ABHD12: variants seen among roughly 807,000 people sequenced by gnomAD.
The protein encoded by ABHD12 is abhydrolase domain containing 12, lysophospholipase, also known as lysophosphatidylserine lipase ABHD12.
ABHD12 carries 43 observed loss-of-function variants against 58.3 expected under a neutral mutation model. That is an observed-to-expected ratio of 0.74 (90% CI 0.58 to 0.95). The LOEUF (loss-of-function observed/expected upper bound fraction) is 0.95, where lower values mean the gene tolerates loss of function less well. ABHD12 is among the 40% of genes least tolerant of loss of function. The probability of loss-of-function intolerance (pLI) is 0.00; values close to 1 mark genes in which losing one functional copy is unlikely to be tolerated. For missense variants in ABHD12, 539 were observed against 537.2 expected, an observed-to-expected ratio of 1.00 and a Z score of -0.03; for synonymous variants, 219 against 211.2, an observed-to-expected ratio of 1.04 and a Z score of -0.32.
intron 5 of ABHD12, among the ~76,000 whole-genome samples, chr20:25,315,330 T>C (rs1222513071): frequency 1.3e-5 from 2 of 152,092 alleles, no homozygotes; most frequent in African/African-American, 2.4e-5. Flanking sequence ...AGTGTGATGG[T>C]AGACCCCCAG....
chr20:25,383,938 G>A (rs1388715040), intron 1 of ABHD12, among the ~76,000 whole-genome samples: 15 of 132,454 alleles, frequency 1.1e-4, no homozygotes, highest in Non-Finnish European at 6.2e-5. Context: ...CTGGGCAACA[G>A]AGGGAGACTC....
intron 3 of ABHD12, among the ~76,000 whole-genome samples, chr20:25,323,093 A>G (rs529874639): frequency 6.6e-6 from 1 of 152,336 alleles, no homozygotes; most frequent in Non-Finnish European, 1.5e-5. Context: ...TAAAAATAAT[A>G]ATCTGTTCAC....
chr20:25,299,239 A>C (rs1009645892), downstream of ABHD12, among the ~76,000 whole-genome samples: 3 of 152,172 alleles, frequency 2.0e-5, no homozygotes, highest in Non-Finnish European at 4.4e-5. Context: ...TTTACAAAAC[A>C]TACAAGAATT....
At chr20:25,329,906 G>A (rs993717492) in intron 2 of ABHD12, among the ~76,000 whole-genome samples, 9 of 152,232 alleles carry the variant, frequency 5.9e-5, no homozygotes, top group African/African-American at 2.2e-4. Context: ...GGAAAAAGAG[G>A]AAGCTGGCCC....
At chr20:25,373,214 T>A (rs1168638413) in intron 1 of ABHD12, among the ~76,000 whole-genome samples, 4 of 152,186 alleles carry the variant, frequency 2.6e-5, no homozygotes, top group Admixed American at 1.3e-4. Context: ...GACATTACTA[T>A]ATTGAGTGAC....
chr20:25,314,941 G>A lies in ABHD12; in HGVS notation c.603C>T (p.Val201=). The change falls in exon 6 of 13, where the codon GTC becomes GTT. Residue 201 remains valine, a synonymous_variant. Coordinates refer to ENST00000339157, the MANE Select transcript of ABHD12 (RefSeq NM_001042472.3). ...AAATCTCACCTCTGTAGTCAAAGGTGACCACATGGTAACCAAGGGAACTCA... is the reference window on the plus strand; with the variant it reads ...AAATCTCACCTCTGTAGTCAAAGGTAACCACATGGTAACCAAGGGAACTCA... ...KVLSSLGYHV[V]TFDYRGWGDS... 3 of 1,614,198 alleles carry A rather than the reference G, an allele frequency of 1.9e-6. No homozygotes were observed. The highest frequency in any genetic ancestry group is 2.5e-6 in the Non-Finnish European group (3 of 1,180,028).
At chr20:25,378,561 A>G (rs949675712) in intron 1 of ABHD12, among the ~76,000 whole-genome samples, 2 of 152,164 alleles carry the variant, frequency 1.3e-5, no homozygotes, top group African/African-American at 4.8e-5. Flanking sequence ...TATTCTAGTG[A>G]TCTGAACTAC....
intron 1 of ABHD12, among the ~76,000 whole-genome samples, chr20:25,378,622 G>T (rs550798372): frequency 6.6e-6 from 1 of 151,616 alleles, no homozygotes; most frequent in African/African-American, 2.4e-5. Flanking sequence ...TTCCCATTAC[G>T]AACAGTTCAG....
intron 6 of ABHD12, among the ~76,000 whole-genome samples, chr20:25,313,670 T>C (rs1298053644): frequency 6.6e-5 from 10 of 151,904 alleles, no homozygotes; most frequent in Non-Finnish European, 1.5e-4. Context: ...TGGTCCCAGC[T>C]ACTAGGGAGG....
intron 1 of ABHD12, among the ~76,000 whole-genome samples, chr20:25,358,181 C>T (rs998976285): frequency 2.6e-5 from 4 of 152,088 alleles, no homozygotes; most frequent in African/African-American, 4.8e-5. Flanking sequence ...TCTCAAATTA[C>T]GCTAAATAAT....
chr20:25,353,734 T>G (rs909753078), intron 1 of ABHD12, among the ~76,000 whole-genome samples: 1 of 152,186 alleles, frequency 6.6e-6, no homozygotes, highest in African/African-American at 2.4e-5. Context: ...AAATTAAAAT[T>G]TGTCTTGGGC....
rs56063344 is a variant in ABHD12, at chr20:25,311,021, G to C, written c.620-1446C>G. Among the ~76,000 whole-genome samples the C allele has an allele frequency of 8.9e-3, 1,348 of 152,308 alleles. 16 individuals carry two copies. Among genetic ancestry groups the C allele is most frequent in the African/African-American group, 0.03 (1,266 of 41,558 alleles). On this transcript the variant is annotated intron_variant, in intron 6 of 12. Coordinates refer to ENST00000339157, the MANE Select transcript of ABHD12 (RefSeq NM_001042472.3). Reference sequence around the variant, plus strand: ...ACCAGTGTCAACATGGAGAGAAGGAGAGGGCAAACCACTTCCTTGCTCCTC... The same window carrying C: ...ACCAGTGTCAACATGGAGAGAAGGACAGGGCAAACCACTTCCTTGCTCCTC...
chr20:25,379,546 T>C (rs75958976), intron 1 of ABHD12, among the ~76,000 whole-genome samples: 193 of 152,204 alleles, frequency 1.3e-3, no homozygotes, highest in African/African-American at 4.1e-3. Flanking sequence ...CTGGGTCCCA[T>C]CCCTTCTCAC....
At chr20:25,356,178 G>C (rs913602204) in intron 1 of ABHD12, among the ~76,000 whole-genome samples, 8 of 152,238 alleles carry the variant, frequency 5.3e-5, no homozygotes, top group African/African-American at 1.9e-4. Context: ...CTGTAAAACT[G>C]CAAGGGAAAA....
At chr20:25,320,629 G>T (rs1568726202) in intron 3 of ABHD12, among the ~76,000 whole-genome samples, 1 of 152,372 alleles carries the variant, frequency 6.6e-6, no homozygotes, top group East Asian at 1.9e-4. Context: ...GCCTGGCAGA[G>T]AAGCAGCACT....
chr20:25,379,935 C>G (rs2090002982), intron 1 of ABHD12, among the ~76,000 whole-genome samples: 1 of 151,690 alleles, frequency 6.6e-6, no homozygotes, highest in African/African-American at 2.4e-5. Flanking sequence ...AGTGATCCTC[C>G]TTCTTTATCC....
At position 25,308,513 on chromosome 20, in the gene ABHD12, A is replaced by T. The variant is rs1252832908; in HGVS notation, c.750-19T>A. The T allele has an allele frequency of 2.5e-6, 4 of 1,603,472 alleles. No homozygotes were observed. Among genetic ancestry groups the T allele is most frequent in the Non-Finnish European group, 3.4e-6 (4 of 1,174,420 alleles). On this transcript the variant is annotated intron_variant, in intron 7 of 12. Coordinates refer to ENST00000339157, the MANE Select transcript of ABHD12 (RefSeq NM_001042472.3). ...CGCCACGCTAGGAAAAAAGAAAAAC[A>T]GCTTAGTTGAGTTATGATAAAATTG...
intron 4 of ABHD12, among the ~76,000 whole-genome samples, chr20:25,317,680 G>A (rs546995662): frequency 2.6e-5 from 4 of 152,348 alleles, no homozygotes; most frequent in African/African-American, 9.6e-5. Context: ...GTGCCGGAAC[G>A]GCTGCCTCCC....
intron 8 of ABHD12, 79 bp from the exon 9 acceptor site, chr20:25,308,124 C>A: frequency 9.8e-7 from 1 of 1,020,370 alleles, no homozygotes; most frequent in Non-Finnish European, 1.6e-6. Flanking sequence ...CTGAGGGGCC[C>A]CCAGAAAGCA....
Sources: gnomAD v4.1 joint callset for allele counts (sites outside exome capture counted in the v4.1 genomes callset) on GRCh38, gnomAD v4.1.1 for gene constraint, MANE v1.5 for transcripts, NCBI Gene and HGNC (gene_info 2026-07-23, HGNC 2026-07-21) for gene names.